The following ADGRL2 variants were observed in gnomAD, a reference collection of about 807,000 sequenced individuals.
ADGRL2 encodes adhesion G protein-coupled receptor L2, also known as calcium-independent alpha-latrotoxin receptor 2.
ADGRL2 carries 44 observed loss-of-function variants against 157.4 expected under a neutral mutation model. That is an observed-to-expected ratio of 0.28 (90% CI 0.22 to 0.36). The LOEUF (loss-of-function observed/expected upper bound fraction) is 0.36, where lower values mean the gene tolerates loss of function less well. Ranked by LOEUF, ADGRL2 falls within the 10% of genes least tolerant of loss-of-function variation. ADGRL2 has a pLI of 1.00. For synonymous variants in ADGRL2, 585 were observed against 624.7 expected (o/e 0.94, Z 0.95); for missense variants, 1,510 against 1,768.9 (o/e 0.85, Z 2.63).
At chr1:81,690,482 T>C (rs1377617338) in intron 3 of ADGRL2, among the ~76,000 whole-genome samples, 1 of 152,128 alleles carries the variant, frequency 6.6e-6, no homozygotes, top group Non-Finnish European at 1.5e-5. Context: ...GGTGACAGAA[T>C]AAGACTCTGT....
chr1:81,955,504 G>A (rs1317643426), intron 10 of ADGRL2, among the ~76,000 whole-genome samples: 1 of 152,038 alleles, frequency 6.6e-6, no homozygotes, highest in Non-Finnish European at 1.5e-5. Flanking sequence ...TTCAAGTTTT[G>A]AGATCATAAA....
At chr1:81,356,952 C>CAAAAAAAAAAAAAAAAAAAAA (rs757239865) in intron 1 of ADGRL2, among the ~76,000 whole-genome samples, 57 of 55,656 alleles carry the variant, frequency 1.0e-3, no homozygotes, top group African/African-American at 2.1e-3. Flanking sequence ...GACTCCGTCT[C>CAAAAAAAAAAAAAAAAAAAAA]AAAAAAAAAA....
chr1:81,842,546 CG>C, intron 2 of ADGRL2, among the ~76,000 whole-genome samples: 1 of 151,438 alleles, frequency 6.6e-6, no homozygotes, highest in African/African-American at 2.4e-5. Flanking sequence ...TTAGTAGAGA[CG>C]GGGTTTCACC....
intron 3 of ADGRL2, among the ~76,000 whole-genome samples, chr1:81,663,547 G>C (rs1290337559): frequency 1.3e-5 from 2 of 152,210 alleles, no homozygotes; most frequent in African/African-American, 2.4e-5. Context: ...AGAGTGCAAA[G>C]AGGAAGTTTT....
intron 2 of ADGRL2, among the ~76,000 whole-genome samples, chr1:81,565,760 T>C (rs1462132954): frequency 1.3e-5 from 2 of 152,154 alleles, no homozygotes; most frequent in Non-Finnish European, 2.9e-5. Context: ...TAGCCTTTCT[T>C]CTTTAGTGGC....
At chr1:81,729,434 C>G (rs1194139350) in intron 1 of ADGRL2, among the ~76,000 whole-genome samples, 1 of 152,066 alleles carries the variant, frequency 6.6e-6, no homozygotes, top group Non-Finnish European at 1.5e-5. Flanking sequence ...AATTACCTGA[C>G]TTTGCAAAAT....
chr1:81,858,682 G>T (rs1240724025), intron 2 of ADGRL2, among the ~76,000 whole-genome samples: 2 of 151,934 alleles, frequency 1.3e-5, no homozygotes, highest in Admixed American at 1.3e-4. Flanking sequence ...GAGTACTTCC[G>T]TCAGGGACTG....
At chr1:81,582,883 G>T (rs2148549165) in intron 3 of ADGRL2, among the ~76,000 whole-genome samples, 1 of 152,128 alleles carries the variant, frequency 6.6e-6, no homozygotes, top group South Asian at 2.1e-4. Context: ...TGGAGTGTTA[G>T]ATGGGAAAAT....
chr1:81,933,165 A>T (rs191569698), intron 3 of ADGRL2, among the ~76,000 whole-genome samples: 1 of 152,324 alleles, frequency 6.6e-6, no homozygotes, highest in Non-Finnish European at 1.5e-5. Context: ...TTCAAAATAT[A>T]TTCTAGTATC....
At chr1:81,889,853 G>T (rs2094215679) in intron 2 of ADGRL2, among the ~76,000 whole-genome samples, 1 of 151,950 alleles carries the variant, frequency 6.6e-6, no homozygotes. Context: ...AAAATCCTTG[G>T]GCCATTAGGA....
chr1:81,597,802 T>C (rs2148618654), intron 3 of ADGRL2, among the ~76,000 whole-genome samples: 1 of 152,258 alleles, frequency 6.6e-6, no homozygotes. Flanking sequence ...AGTCAGTGAT[T>C]GTTTGTATTT....
intron 2 of ADGRL2, among the ~76,000 whole-genome samples, chr1:81,490,226 G>A (rs565999434): frequency 1.3e-5 from 2 of 150,490 alleles, no homozygotes; most frequent in African/African-American, 4.9e-5. Flanking sequence ...CCACCTCCTT[G>A]GTTCAGGCAA....
chr1:81,654,957 G>A (rs892212775), intron 3 of ADGRL2, among the ~76,000 whole-genome samples: 10 of 150,992 alleles, frequency 6.6e-5, no homozygotes, highest in African/African-American at 2.4e-4. Context: ...GTTTTGCTTT[G>A]TTTTGTTTTG....
At chr1:81,390,405 T>C (rs2101114534) in intron 1 of ADGRL2, among the ~76,000 whole-genome samples, 1 of 152,422 alleles carries the variant, frequency 6.6e-6, no homozygotes, top group South Asian at 2.1e-4. Context: ...AACCAAATAT[T>C]AGCCATTGGT....
chr1:81,953,484 G>A (rs995756844), intron 10 of ADGRL2, among the ~76,000 whole-genome samples: 3 of 152,066 alleles, frequency 2.0e-5, no homozygotes, highest in Non-Finnish European at 4.4e-5. Context: ...ATTTTTAGGA[G>A]TCATTTCTAG....
At chr1:81,863,854 CTAGA>C (rs1372801371) in intron 2 of ADGRL2, among the ~76,000 whole-genome samples, 13 of 152,114 alleles carry the variant, frequency 8.5e-5, no homozygotes, top group Non-Finnish European at 1.6e-4. Context: ...TTACAACACC[CTAGA>C]TAGACTCTTG....
At chr1:81,369,596 A>G (rs1398694458) in intron 1 of ADGRL2, among the ~76,000 whole-genome samples, 1 of 152,170 alleles carries the variant, frequency 6.6e-6, no homozygotes, top group Non-Finnish European at 1.5e-5. Context: ...CTTCAGCCGA[A>G]TGGATGACCT....
intron 2 of ADGRL2, among the ~76,000 whole-genome samples, chr1:81,880,319 C>G (rs1571877766): frequency 6.6e-6 from 1 of 152,038 alleles, no homozygotes; most frequent in Admixed American, 6.6e-5. Flanking sequence ...ATGAGACAGC[C>G]TTTTCTAATT....
chr1:81,682,449 T>C (rs1205739828), intron 3 of ADGRL2, among the ~76,000 whole-genome samples: 2 of 152,212 alleles, frequency 1.3e-5, no homozygotes, highest in Admixed American at 6.5e-5. Flanking sequence ...CTATGTTTCA[T>C]ATGCTTCACT....
Sources: allele counts gnomAD v4.1 joint callset (sites outside exome capture counted in the v4.1 genomes callset), GRCh38; gene constraint gnomAD v4.1.1; transcripts MANE v1.5; gene names NCBI Gene and HGNC (gene_info 2026-07-23, HGNC 2026-07-21).